CHRD: variants seen among roughly 807,000 people sequenced by gnomAD.
CHRD encodes chordin.
CHRD carries 69 observed loss-of-function variants against 113.7 expected under a neutral mutation model. The observed-to-expected ratio is 0.61, with a 90% CI of 0.50 to 0.74. The LOEUF is 0.74. CHRD is among the 30% of genes least tolerant of loss of function. CHRD has a pLI of 0.00. For missense variants in CHRD, 1,194 were observed against 1,295.8 expected (o/e 0.92, Z 1.21); for synonymous variants, 561 against 540.8 (o/e 1.04, Z -0.52).
At chr3:184,389,324 C>T in intron 22 of CHRD, 43 bp from the exon 23 acceptor site, 1 of 1,593,988 alleles carries the variant, frequency 6.3e-7, no homozygotes, top group Non-Finnish European at 8.6e-7. Context: ...TGCCTCTCCA[C>T]TCCCTCTCCC....
Position 184,380,229 on chromosome 3 carries a change from G to GGCCCTCC in CHRD, c.-80_-74dup, listed in dbSNP as rs1326059684. On this transcript the variant is annotated 5_prime_UTR_variant, in exon 1 of 23. Coordinates refer to ENST00000204604, the Ensembl canonical transcript of CHRD. This position sits in a 1 kb window ranked among gnomAD's most constrained non-coding sequence, Gnocchi z 6.3. ...CCTCCCGCCGCACCGCCCCCGGCCCGGCCCTCCGCCCTCCGCACTCCCGCC... is the reference window on the plus strand; with the variant it reads ...CCTCCCGCCGCACCGCCCCCGGCCCGGCCCTCCGCCCTCCGCCCTCCGCACTCCCGCC... 8.9e-6 allele frequency: 1 copy of GGCCCTCC among 112,458 alleles called. No homozygotes were observed. The highest frequency in any genetic ancestry group is 4.4e-5 in the African/African-American group (1 of 22,592). 7.0% of individuals were successfully genotyped at this position (112,458 alleles called of 1,614,324 possible). A position where few individuals can be genotyped will look rare whatever the true frequency, so the allele number is the denominator to read the frequency against.
Position 184,381,509 on chromosome 3 carries a change from G to C in CHRD, c.396G>C (p.Ser132=), listed in dbSNP as rs772266252. The C allele has an allele frequency of 6.3e-7, 1 of 1,598,884 alleles. No homozygotes were observed. The highest frequency in any genetic ancestry group is 1.1e-5 in the South Asian group (1 of 89,500). Residue 132 remains serine (S), a synonymous_variant, in exon 4 of 23, where the codon TCG becomes TCC. Coordinates refer to ENST00000204604, the Ensembl canonical transcript of CHRD. This position sits in a 1 kb window ranked among gnomAD's most constrained non-coding sequence, Gnocchi z 4.7. ...CCCCGCCCGCAGAGCGCAGCAGTTC[G>C]GAGCGGCAGCCGAGCGGCCTGTCCT...
exon 23 of CHRD, chr3:184,389,753 C>G (rs534406520): frequency 3.5e-6 from 1 of 281,864 alleles, no homozygotes; most frequent in South Asian, 6.6e-5. Flanking sequence ...CCCCGACACT[C>G]CACTCCTGCT....
intron 15 of CHRD, 99 bp downstream of exon 15, chr3:184,386,258 G>C: frequency 7.3e-7 from 1 of 1,375,222 alleles, no homozygotes; most frequent in East Asian, 2.4e-5. Context: ...TCTGAGTCCT[G>C]GGGGTGGTCG....
chr3:184,382,389 G>T, exon 7 of CHRD: 1 of 1,614,174 alleles, frequency 6.2e-7, no homozygotes, highest in Non-Finnish European at 8.5e-7. Context: ...TCTGCTCCAG[G>T]TCTGTGGGGT....
At chr3:184,383,758 T>C (rs1438559491) in intron 12 of CHRD, 116 bp downstream of exon 12, 4 of 970,070 alleles carry the variant, frequency 4.1e-6, no homozygotes, top group South Asian at 1.9e-5. Flanking sequence ...CTCCCACTCA[T>C]TCATTTATTC....
At chr3:184,385,266 T>A in intron 14 of CHRD, 28 bp downstream of exon 14, 1 of 1,568,914 alleles carries the variant, frequency 6.4e-7, no homozygotes, top group Non-Finnish European at 8.8e-7. Flanking sequence ...GGCGGCAGCT[T>A]GGAACATTTC....
chr3:184,387,484 C>A lies in CHRD; in HGVS notation c.2451+7C>A. On this transcript the variant is annotated splice_region_variant and intron_variant, in intron 19 of 22. Coordinates refer to ENST00000204604, the Ensembl canonical transcript of CHRD. This position sits in a 1 kb window ranked among gnomAD's most constrained non-coding sequence, Gnocchi z 6.1. ...TGCTGTCTGCACCTGCAAGGTATGGCCACCCAATCTTCTCTGGTGCCATAA... is the reference window on the plus strand; with the variant it reads ...TGCTGTCTGCACCTGCAAGGTATGGACACCCAATCTTCTCTGGTGCCATAA... 6.3e-7 allele frequency: 1 copy of A among 1,597,012 alleles called. No individual in the cohort carries two copies.
At chr3:184,383,023 G>T (rs1715696238) in exon 10 of CHRD, 1 of 1,612,430 alleles carries the variant, frequency 6.2e-7, no homozygotes, top group African/African-American at 1.3e-5. Flanking sequence ...CAGGAACCAG[G>T]CTTTGCTGAG....
At chr3:184,383,379 C>T in exon 11 of CHRD, 2 of 1,613,960 alleles carry the variant, frequency 1.2e-6, no homozygotes, top group Non-Finnish European at 1.7e-6. Context: ...CCGGCTCAGC[C>T]AGCCTCACGC....
intron 14 of CHRD, among the ~76,000 whole-genome samples, chr3:184,385,630 C>G (rs898060119): frequency 5.5e-4 from 69 of 126,366 alleles, no homozygotes; most frequent in Non-Finnish European, 8.7e-4. Context: ...GGCGCCATTG[C>G]ACTCCAGCCT....
exon 14 of CHRD, chr3:184,385,226 C>A: frequency 6.2e-7 from 1 of 1,613,214 alleles, no homozygotes; most frequent in African/African-American, 1.3e-5. Flanking sequence ...TGAAGGGATT[C>A]TATGGCTCAG....
At position 184,381,740 on chromosome 3, in the gene CHRD, C is replaced by T; in HGVS notation, c.536C>T (p.Pro179Leu). The change falls in exon 5 of 23, where the codon CCG becomes CTG. Residue 179 changes from proline to leucine, a missense_variant. Physicochemically the swap from Pro to Leu is moderately conservative, Grantham distance 98. Coordinates refer to ENST00000204604, the Ensembl canonical transcript of CHRD. This position sits in a 1 kb window ranked among gnomAD's most constrained non-coding sequence, Gnocchi z 4.7. ...GACTTCGTGGCGCTGCTGACAGGGC[C>T]GAGGTCGCAGGCGGTGGCACGAGCC... 6.2e-7 allele frequency: 1 copy of T among 1,613,170 alleles called. No homozygotes were observed. The highest frequency in any genetic ancestry group is 8.5e-7 in the Non-Finnish European group (1 of 1,179,970).
intron 16 of CHRD, 22 bp downstream of exon 16, chr3:184,386,777 C>T (rs372426314): frequency 7.9e-5 from 128 of 1,613,354 alleles, no homozygotes; most frequent in Non-Finnish European, 1.0e-4. Flanking sequence ...TGGAAGGGCA[C>T]ACTGGGTCCT....
Position 184,388,257 on chromosome 3 carries a change from A to G in CHRD, c.2554+224A>G, listed in dbSNP as rs1175785346. Among the ~76,000 whole-genome samples, 1 of 151,076 alleles carries G rather than the reference A, an allele frequency of 6.6e-6. No homozygotes were observed. Among genetic ancestry groups the G allele is most frequent in the Admixed American group, 6.6e-5 (1 of 15,180 alleles). ...CATCCGTCCATCCATCCATCCATCC[A>G]TCCATCCATCCATCCATCCATCCAT... On this transcript the variant is annotated intron_variant, in intron 20 of 22. Transcript: ENST00000204604. This position sits in a 1 kb window ranked among gnomAD's most constrained non-coding sequence, Gnocchi z 6.1.
chr3:184,386,438 G>C (rs1407708028), intron 15 of CHRD, 54 bp from the exon 16 acceptor site: 1 of 1,525,482 alleles, frequency 6.6e-7, no homozygotes, highest in Non-Finnish European at 8.8e-7. Context: ...AGCTGCCGCT[G>C]GTAAAGACGC....
Position 184,383,596 on chromosome 3 carries a change from G to A in CHRD, c.1394G>A (p.Arg465His), listed in dbSNP as rs537327887. ...ACCAAGCCTCAGCGGAGGGATCAGC[G>A]CACTGTCCTGTGCCACATGGCTGGA... Residue 465 changes from arginine (R) to histidine (H), a missense_variant, in exon 12 of 23, where the codon CGC becomes CAC. Coordinates refer to ENST00000204604, the Ensembl canonical transcript of CHRD. 54 of 1,613,842 alleles carry A rather than the reference G, an allele frequency of 3.3e-5. 1 individual carries two copies. The South Asian group carries it at 4.3e-4, about 13-fold the overall frequency.
In CHRD at chr3:184,384,891, A is replaced by G. The variant is rs1354271974; in HGVS notation, c.1598-127A>G. On this transcript the variant is annotated intron_variant, in intron 13 of 22. Coordinates refer to ENST00000204604, the Ensembl canonical transcript of CHRD. This position sits in a 1 kb window ranked among gnomAD's most constrained non-coding sequence, Gnocchi z 4.4. The stretch of plus-strand genomic sequence containing the variant: ...AAGGGTCTAAAACTTGCTGCTCTCC[A>G]GGCCCTGGACCTATGGACAGTGTCT... 2 of 1,229,260 alleles carry G rather than the reference A, an allele frequency of 1.6e-6. No homozygotes were observed. Among genetic ancestry groups the G allele is most frequent in the African/African-American group, 1.5e-5 (1 of 66,940 alleles). 76.1% of individuals were successfully genotyped at this position (1,229,260 alleles called of 1,614,324 possible). A position where few individuals can be genotyped will look rare whatever the true frequency, so the allele number is the denominator to read the frequency against.
Position 184,389,003 on chromosome 3 carries a change from AG to A in CHRD, c.2812+11del, listed in dbSNP as rs1273036952. 6.3e-7 allele frequency: 1 copy of A among 1,592,650 alleles called. No individual in the cohort carries two copies. The stretch of plus-strand genomic sequence containing the variant: ...GCACGGCCCACCGGCGGCGTAAGTG[AG>A]GGAGTCCAGGGTCAGCAGCTGTGAG... On this transcript the variant is annotated intron_variant, in intron 22 of 22. Coordinates refer to ENST00000204604, the Ensembl canonical transcript of CHRD.
Sources: allele counts gnomAD v4.1 joint callset (sites outside exome capture counted in the v4.1 genomes callset), GRCh38; gene constraint gnomAD v4.1.1; non-coding constraint Gnocchi (gnomAD v3.1); transcripts MANE v1.5; gene names NCBI Gene and HGNC (gene_info 2026-07-23, HGNC 2026-07-21).